The following SIK3 variants were observed in gnomAD, a reference collection of about 807,000 sequenced individuals.
SIK3 encodes the protein SIK family kinase 3, also known as serine/threonine-protein kinase SIK3.
A neutral mutation model predicts 144.2 loss-of-function variants in SIK3; 28 were observed. The observed-to-expected ratio is 0.19, with a 90% confidence interval of 0.14 to 0.27. The LOEUF is 0.27. Ranked by LOEUF, SIK3 falls within the 10% of genes least tolerant of loss-of-function variation. SIK3 has a pLI of 1.00. For missense variants in SIK3, 1,319 were observed against 1,776.0 expected, an observed-to-expected ratio of 0.74 and a Z score of 4.62; for synonymous variants, 686 against 676.3, an observed-to-expected ratio of 1.01 and a Z score of -0.22.
intron 1 of SIK3, among the ~76,000 whole-genome samples, chr11:117,080,232 T>G (rs978200027): frequency 6.6e-6 from 1 of 152,212 alleles, no homozygotes; most frequent in African/African-American, 2.4e-5. Flanking sequence ...CTAAAAAGGC[T>G]ATTTGCCAGG....
intron 1 of SIK3, among the ~76,000 whole-genome samples, chr11:117,035,182 CATAA>C (rs1952440554): frequency 1.3e-5 from 2 of 151,872 alleles, no homozygotes; most frequent in Admixed American, 6.6e-5. Flanking sequence ...AATATCTTAC[CATAA>C]ATATTAATAA....
At chr11:116,859,162 G>C (rs559160567) in intron 20 of SIK3, 103 bp downstream of exon 20, 1 of 1,081,270 alleles carries the variant, frequency 9.2e-7, no homozygotes, top group African/African-American at 1.6e-5. Context: ...GCACAGCCTA[G>C]TCAGACCCAT....
At chr11:117,042,432 G>A (rs1001188600) in intron 1 of SIK3, among the ~76,000 whole-genome samples, 5 of 152,204 alleles carry the variant, frequency 3.3e-5, no homozygotes, top group Non-Finnish European at 5.9e-5. Context: ...GTTCTTAAAA[G>A]TCAGTGTCTG....
chr11:116,990,126 A>G (rs549638293), intron 1 of SIK3, among the ~76,000 whole-genome samples: 2 of 152,346 alleles, frequency 1.3e-5, no homozygotes, highest in Admixed American at 6.5e-5. Flanking sequence ...CATATAAAGA[A>G]AAGGCTATGA....
intron 1 of SIK3, among the ~76,000 whole-genome samples, chr11:116,964,381 T>C (rs927344864): frequency 1.3e-5 from 2 of 152,068 alleles, no homozygotes; most frequent in East Asian, 1.9e-4. Flanking sequence ...CAGGGATGTA[T>C]ATTTGGAAAG....
chr11:116,862,160 A>G, intron 17 of SIK3, 42 bp downstream of exon 17: 7 of 1,613,964 alleles, frequency 4.3e-6, no homozygotes, highest in Non-Finnish European at 5.9e-6. Flanking sequence ...GCCTGAAAGC[A>G]AACTCCAAAC....
chr11:116,893,909 A>G (rs1945264490), intron 6 of SIK3: 1 of 166,774 alleles, frequency 6.0e-6, no homozygotes, highest in Non-Finnish European at 1.5e-5. Context: ...TTGCAACCAC[A>G]TGATTAAGCT....
At chr11:116,985,234 G>A (rs1950288391) in intron 1 of SIK3, among the ~76,000 whole-genome samples, 1 of 152,118 alleles carries the variant, frequency 6.6e-6, no homozygotes, top group Admixed American at 6.5e-5. Flanking sequence ...CTAGAAGAGG[G>A]AACTGTGCAG....
At chr11:116,910,882 G>C (rs1382817039) in intron 4 of SIK3, among the ~76,000 whole-genome samples, 1 of 152,086 alleles carries the variant, frequency 6.6e-6, no homozygotes, top group Non-Finnish European at 1.5e-5. Context: ...ACGTTCAAAA[G>C]GTTAAGTAAA....
intron 1 of SIK3, among the ~76,000 whole-genome samples, chr11:117,072,877 C>T (rs1954343139): frequency 6.6e-6 from 1 of 152,160 alleles, no homozygotes; most frequent in Non-Finnish European, 1.5e-5. Context: ...CAGTATTTTG[C>T]AGGATAATGC....
chr11:117,014,426 T>C (rs767591821), intron 1 of SIK3, among the ~76,000 whole-genome samples: 25 of 152,166 alleles, frequency 1.6e-4, no homozygotes, highest in Middle Eastern at 3.2e-3. Flanking sequence ...TATGACTTTA[T>C]GTCATAACTC....
chr11:116,888,069 G>C (rs1376213372), intron 6 of SIK3, among the ~76,000 whole-genome samples: 3 of 152,166 alleles, frequency 2.0e-5, no homozygotes, highest in African/African-American at 7.2e-5. Flanking sequence ...TGCAGAGCAT[G>C]GCCTCCCACA....
intron 19 of SIK3, among the ~76,000 whole-genome samples, chr11:116,860,393 C>CT (rs972984149): frequency 6.6e-6 from 1 of 152,148 alleles, no homozygotes; most frequent in Non-Finnish European, 1.5e-5. Flanking sequence ...GGGAGACTGA[C>CT]TAGGGACGTA....
intron 1 of SIK3, among the ~76,000 whole-genome samples, chr11:116,962,028 G>A (rs1326343153): frequency 6.6e-6 from 1 of 152,058 alleles, no homozygotes; most frequent in African/African-American, 2.4e-5. Flanking sequence ...ACTTTTGTAA[G>A]CACAATAATG....
chr11:117,031,454 T>A (rs1252098858), intron 1 of SIK3, among the ~76,000 whole-genome samples: 6 of 151,344 alleles, frequency 4.0e-5, no homozygotes, highest in Non-Finnish European at 8.8e-5. Context: ...TGCTTCTGCA[T>A]CTTTATCAAA....
intron 6 of SIK3, among the ~76,000 whole-genome samples, chr11:116,890,252 G>A (rs1945032466): frequency 6.6e-6 from 1 of 152,194 alleles, no homozygotes; most frequent in African/African-American, 2.4e-5. Flanking sequence ...TCTCTGAGGG[G>A]ACCTATGACT....
chr11:117,016,973 TA>T (rs1951567625), intron 1 of SIK3, among the ~76,000 whole-genome samples: 1 of 152,158 alleles, frequency 6.6e-6, no homozygotes, highest in Non-Finnish European at 1.5e-5. Flanking sequence ...GAGAAAAATA[TA>T]AAACAGGATG....
intron 4 of SIK3, among the ~76,000 whole-genome samples, chr11:116,922,829 C>G (rs1351616390): frequency 6.6e-6 from 1 of 151,514 alleles, no homozygotes; most frequent in East Asian, 1.9e-4. Flanking sequence ...TTATTAGTTC[C>G]AAGTTATTTT....
At chr11:116,850,337 G>A (rs936510543) in intron 21 of SIK3, among the ~76,000 whole-genome samples, 1 of 152,120 alleles carries the variant, frequency 6.6e-6, no homozygotes, top group African/African-American at 2.4e-5. Context: ...CTAGTCAAAT[G>A]GGACCACTTA....
Sources: gnomAD v4.1 joint callset for allele counts (sites outside exome capture counted in the v4.1 genomes callset) on GRCh38, gnomAD v4.1.1 for gene constraint, MANE v1.5 for transcripts, NCBI Gene and HGNC (gene_info 2026-07-23, HGNC 2026-07-21) for gene names.